Variants in PDK4 observed in about 807,000 individuals in gnomAD.
PDK4 encodes the protein pyruvate dehydrogenase kinase, isozyme 4.
A neutral mutation model predicts 51.7 loss-of-function variants in PDK4; 43 were observed. That is an observed-to-expected ratio of 0.83 (90% CI 0.65 to 1.07). The LOEUF is 1.07. PDK4 is among the 50% of genes least tolerant of loss of function. The pLI is 0.00. For missense variants in PDK4, 498 were observed against 503.5 expected (o/e 0.99, Z 0.10); for synonymous variants, 170 against 176.6 (o/e 0.96, Z 0.30).
At position 95,586,992 on chromosome 7, in the gene PDK4, A is replaced by G. The variant is rs1226570886; in HGVS notation, c.1095+18T>C. 3 of 1,346,012 alleles carry G rather than the reference A, an allele frequency of 2.2e-6. No homozygotes were observed. Among genetic ancestry groups the G allele is most frequent in the Non-Finnish European group, 2.1e-6 (2 of 938,106 alleles). 83.4% of individuals were successfully genotyped at this position (1,346,012 alleles called of 1,614,324 possible). ...ATGGTTTTAGAAACAGGATTTTGCT[A>G]TTGAATTCAAGGGATACCTTTAAGT... On this transcript the variant is annotated intron_variant, in intron 10 of 10. Transcript: ENST00000005178.
chr7:95,589,085 G>T (rs1791520980), intron 7 of PDK4, among the ~76,000 whole-genome samples: 1 of 152,178 alleles, frequency 6.6e-6, no homozygotes, highest in Non-Finnish European at 1.5e-5. Flanking sequence ...AGAATCTCAG[G>T]CCCCACTCTA....
rs560709844 is a variant in PDK4 at position 95,593,000 on chromosome 7, C to T, written c.345-56G>A. 3.3e-6 allele frequency: 4 copies of T among 1,218,448 alleles called. No homozygotes were observed. In the East Asian group the frequency reaches 7.1e-5, roughly 22 times the overall value. 75.5% of individuals were successfully genotyped at this position (1,218,448 alleles called of 1,614,324 possible). A position where few individuals can be genotyped will look rare whatever the true frequency, so the allele number is the denominator to read the frequency against. On this transcript the variant is annotated intron_variant, in intron 3 of 10. Transcript: ENST00000005178. ...TTCAAATACGTTTCATTCACTTATA[C>T]TCCTAAGGTTACTTCACAGAAGGCT...
chr7:95,587,314 A>G (rs968736852), intron 9 of PDK4, 104 bp downstream of exon 9: 1 of 790,414 alleles, frequency 1.3e-6, no homozygotes, highest in Admixed American at 2.2e-5. Context: ...CTTCATGTCT[A>G]ATTTTACTTA....
At position 95,583,984 on chromosome 7, in the gene PDK4, T is replaced by C. The variant is rs1791447045; in HGVS notation, c.*1657A>G. On this transcript the variant is annotated 3_prime_UTR_variant, in exon 11 of 11. Transcript: ENST00000005178. ...AAACTGAAATCCACAAAAAAATAGT[T>C]GAGCTTCTATTACCATTACCAGAAG... 6.6e-6 allele frequency: 1 copy of C among 152,194 alleles called. No individual in the cohort carries two copies. Among genetic ancestry groups the C allele is most frequent in the Non-Finnish European group, 1.5e-5 (1 of 68,018 alleles). The allele number at this position is 152,194 out of a possible 1,614,324, so 9.4% of individuals were successfully genotyped here.
At position 95,592,539 on chromosome 7, in the gene PDK4, A is replaced by C; in HGVS notation, c.588T>G (p.Pro196=). ...GGACCACTGCTACCACATCACAGTT[A>C]GGATCAATGCTTCCAATGTGGCTTG... is the stretch of plus-strand genomic sequence containing the variant. ...GNPSHIGSID[P]NCDVVAVVQD... is the part of the protein sequence containing the mutation. The change falls in exon 5 of 11, where the codon CCT becomes CCG. Residue 196 remains proline (P), a synonymous_variant. Transcript: ENST00000005178. 1 of 1,608,880 alleles carries C rather than the reference A, an allele frequency of 6.2e-7. No homozygotes were observed. Among genetic ancestry groups the C allele is most frequent in the Non-Finnish European group, 8.5e-7 (1 of 1,175,288 alleles).
chr7:95,589,589 CTG>C lies in PDK4; in HGVS notation c.771+49_771+50del, dbSNP rs767418573. Reference sequence around the variant, plus strand: ...AATAATAAAGGAGATAAAAATATAACTGTTAAACCTTTTTAAAAGGTAAAATT... The same window carrying C: ...AATAATAAAGGAGATAAAAATATAACTTAAACCTTTTTAAAAGGTAAAATT... On this transcript the variant is annotated intron_variant, in intron 7 of 10. Coordinates refer to ENST00000005178, the MANE Select transcript of PDK4 (RefSeq NM_002612.4). The C allele has an allele frequency of 1.0e-5, 9 of 904,074 alleles. No individual in the cohort carries two copies. The East Asian group carries it at 1.7e-4, about 17-fold the overall frequency. 56.0% of individuals were successfully genotyped at this position (904,074 alleles called of 1,614,324 possible).
In PDK4 at chr7:95,596,345, G is replaced by T; in HGVS notation, c.-52C>A. Reference sequence around the variant, plus strand: ...ACTGTGGCTGGCTTGAGGGGCGAAGGCTGCTCGGAGCAGAGCCTGGTTCCG... The same window carrying T: ...ACTGTGGCTGGCTTGAGGGGCGAAGTCTGCTCGGAGCAGAGCCTGGTTCCG... On this transcript the variant is annotated 5_prime_UTR_variant, in exon 1 of 11. Coordinates refer to ENST00000005178, the MANE Select transcript of PDK4 (RefSeq NM_002612.4). 6.6e-7 allele frequency: 1 copy of T among 1,526,346 alleles called. No homozygotes were observed. Among genetic ancestry groups the T allele is most frequent in the Non-Finnish European group, 8.8e-7 (1 of 1,139,608 alleles). The allele number at this position is 1,526,346 out of a possible 1,614,324, so 94.6% of individuals were successfully genotyped here.
At position 95,587,055 on chromosome 7, in the gene PDK4, G is replaced by A. The variant is rs942072018; in HGVS notation, c.1050C>T (p.Leu350=). ...CTGTTCCATATCCTGATAAAGAGTA[G>A]AGATTCAGATCTCCTTGAAAGTACT... is the stretch of plus-strand genomic sequence containing the variant. The part of the protein sequence containing the change: ...YAKYFQGDLN[L]YSLSGYGTDA... The change falls in exon 10 of 11, where the codon CTC becomes CTT. Residue 350 remains leucine (L), a synonymous_variant. Transcript: ENST00000005178. 6.2e-7 allele frequency: 1 copy of A among 1,611,446 alleles called. No individual in the cohort carries two copies. The highest frequency in any genetic ancestry group is 8.5e-7 in the Non-Finnish European group (1 of 1,177,688).
In PDK4 at chr7:95,583,986, A is replaced by G. The variant is rs1791447121; in HGVS notation, c.*1655T>C. The G allele has an allele frequency of 6.6e-6, 1 of 152,190 alleles. No homozygotes were observed. Among genetic ancestry groups the G allele is most frequent in the Non-Finnish European group, 1.5e-5 (1 of 68,014 alleles). 9.4% of individuals were successfully genotyped at this position (152,190 alleles called of 1,614,324 possible). A position where few individuals can be genotyped will look rare whatever the true frequency, so the allele number is the denominator to read the frequency against. ...ACTGAAATCCACAAAAAAATAGTTG[A>G]GCTTCTATTACCATTACCAGAAGCA... On this transcript the variant is annotated 3_prime_UTR_variant, in exon 11 of 11. Coordinates refer to ENST00000005178, the MANE Select transcript of PDK4 (RefSeq NM_002612.4).
chr7:95,593,628 T>C, intron 3 of PDK4, 71 bp downstream of exon 3: 1 of 778,166 alleles, frequency 1.3e-6, no homozygotes, highest in Admixed American at 1.9e-5. Context: ...AATTTAGGTC[T>C]AAAAATATCT....
intron 9 of PDK4, 53 bp from the exon 10 acceptor site, chr7:95,587,176 C>T (rs1791494195): frequency 9.3e-7 from 1 of 1,073,896 alleles, no homozygotes; most frequent in East Asian, 2.4e-5. Context: ...CACTGAAATA[C>T]AAACAAGCAG....
chr7:95,592,648 A>T, intron 4 of PDK4, 51 bp from the exon 5 acceptor site: 2 of 1,413,248 alleles, frequency 1.4e-6, no homozygotes, highest in Non-Finnish European at 2.0e-6. Flanking sequence ...CAGGATAATG[A>T]TTAGTACTAT....
intron 6 of PDK4, among the ~76,000 whole-genome samples, chr7:95,590,921 C>T (rs1461241543): frequency 6.6e-6 from 1 of 152,078 alleles, no homozygotes; most frequent in Non-Finnish European, 1.5e-5. Flanking sequence ...AAGACCTTGT[C>T]AGAATTGAAA....
chr7:95,587,197 T>A (rs1248688727), intron 9 of PDK4, 74 bp from the exon 10 acceptor site: 1 of 860,274 alleles, frequency 1.2e-6, no homozygotes, highest in East Asian at 2.5e-5. Flanking sequence ...GAAATTACTG[T>A]CCTCACTGAT....
In PDK4 at chr7:95,587,748, T is replaced by C. The variant is rs567852270; in HGVS notation, c.849A>G (p.Gly283=). 1 of 1,611,754 alleles carries C rather than the reference T, an allele frequency of 6.2e-7. No homozygotes were observed. Among genetic ancestry groups the C allele is most frequent in the South Asian group, 1.1e-5 (1 of 91,034 alleles). The change falls in exon 8 of 11, where the codon GGA becomes GGG. Residue 283 remains glycine, a synonymous_variant. Coordinates refer to ENST00000005178, the MANE Select transcript of PDK4 (RefSeq NM_002612.4). ...LTPIEVIVVL[G]KEDLTIKISD... is the part of the protein sequence containing the mutation. ...TTACCTTAATGGTAAGGTCTTCTTTTCCCAAGACAACAATAACCTCTATTG... is the reference window on the plus strand; with the variant it reads ...TTACCTTAATGGTAAGGTCTTCTTTCCCCAAGACAACAATAACCTCTATTG...
At chr7:95,595,474 G>GCACACCA (rs1288075399) in intron 1 of PDK4, among the ~76,000 whole-genome samples, 6 of 152,130 alleles carry the variant, frequency 3.9e-5, no homozygotes. Context: ...ATAAAAGACT[G>GCACACCA]CAGGATTCGG....
Position 95,593,037 on chromosome 7 carries a change from T to C in PDK4, c.345-93A>G. ...CTTCACAGAAGGCTAAAGTTTTTTT[T>C]GCATTACCCATCTGAACAAATCAAA... On this transcript the variant is annotated intron_variant, in intron 3 of 10. Transcript: ENST00000005178. 6.9e-6 allele frequency: 5 copies of C among 719,676 alleles called. No homozygotes were observed. In the South Asian group the frequency reaches 9.3e-5, roughly 13 times the overall value. 44.6% of individuals were successfully genotyped at this position (719,676 alleles called of 1,614,324 possible).
rs1412569669 is a variant in PDK4, at chr7:95,596,221, C to T, written c.73G>A (p.Glu25Lys). 1 of 1,606,326 alleles carries T rather than the reference C, an allele frequency of 6.2e-7. No individual in the cohort carries two copies. Among genetic ancestry groups the T allele is most frequent in the South Asian group, 1.1e-5 (1 of 90,230 alleles). ...GACGGGCTGTAGCGCGAGAAATGCT[C>T]CACCTCTCGGGGCACCAGGCCGGCG... ...NGAGLVPREV[E>K]HFSRYSPSPL... The change falls in exon 1 of 11, where the codon GAG becomes AAG. Residue 25 changes from glutamate to lysine, a missense_variant. Coordinates refer to ENST00000005178, the MANE Select transcript of PDK4 (RefSeq NM_002612.4).
Position 95,595,108 on chromosome 7 carries a change from C to CAG in PDK4, c.185_186dup (p.Val63LeufsTer2). 6.2e-7 allele frequency: 1 copy of CAG among 1,612,600 alleles called. No homozygotes were observed. The highest frequency in any genetic ancestry group is 2.2e-5 in the East Asian group (1 of 44,832). On this transcript the variant is annotated frameshift_variant, in exon 2 of 11. Coordinates refer to ENST00000005178, the MANE Select transcript of PDK4 (RefSeq NM_002612.4). LOFTEE classifies it high-confidence loss of function. ...TCCTTCAGAATGTTGGCGAGTCTCA[C>CAG]AGGCAATTCTTGTCGCAAAAATGCA...
Sources: allele counts gnomAD v4.1 joint callset (sites outside exome capture counted in the v4.1 genomes callset), GRCh38; gene constraint gnomAD v4.1.1; transcripts MANE v1.5; gene names NCBI Gene and HGNC (gene_info 2026-07-23, HGNC 2026-07-21).